The following GPR55 variants were observed in gnomAD, a reference collection of about 807,000 sequenced individuals.
The protein encoded by GPR55 is G protein-coupled receptor 55.
Under a neutral mutation model 7.9 loss-of-function variants are expected in GPR55, and 6 were observed. The ratio of observed to expected loss-of-function variants is 0.76; its 90% confidence interval spans 0.41 to 1.49. GPR55 has a LOEUF of 1.49. GPR55 is among the 40% of genes most tolerant of loss of function. The pLI is 0.01. For missense variants in GPR55, 376 were observed against 406.0 expected (o/e 0.93, Z 0.63); for synonymous variants, 183 against 166.8 (o/e 1.10, Z -0.75).
chr2:230,951,919 C>T (rs575485409), intron 1 of GPR55, among the ~76,000 whole-genome samples: 251 of 134,340 alleles, frequency 1.9e-3, no homozygotes, highest in African/African-American at 5.5e-3. Flanking sequence ...CCACCAGGCC[C>T]GGCTAATTTT....
At chr2:230,959,319 A>C (rs1422609802) in intron 1 of GPR55, among the ~76,000 whole-genome samples, 3 of 152,062 alleles carry the variant, frequency 2.0e-5, no homozygotes, top group East Asian at 1.9e-4. Flanking sequence ...GTAGTGGTGC[A>C]TGCCTATAGT....
Position 230,910,197 on chromosome 2 carries a change from A to T in GPR55, c.766T>A (p.Phe256Ile). Residue 256 changes from phenylalanine (F) to isoleucine (I), a missense_variant, in exon 2 of 2, where the codon TTT becomes ATT. Transcript: ENST00000650999. The surrounding 1 kb of genome is among the most constrained non-coding windows in gnomAD (Gnocchi z 5.4). ...TGCTTGGCTCTGCACTCTACGATAA[A>T]GCTGTTTCTCACCAGGAACTGCAGG... Reference protein sequence around the residue: ...FFLQFLVRNSFIVECRAKQSI... With the variant: ...FFLQFLVRNSIIVECRAKQSI... 5 of 1,614,110 alleles carry T rather than the reference A, an allele frequency of 3.1e-6. No individual in the cohort carries two copies. Among genetic ancestry groups the T allele is most frequent in the Non-Finnish European group, 4.2e-6 (5 of 1,179,952 alleles).
chr2:230,910,216 C>A lies in GPR55; in HGVS notation c.747G>T (p.Gln249His). 6.2e-7 allele frequency: 1 copy of A among 1,614,160 alleles called. No homozygotes were observed. Among genetic ancestry groups the A allele is most frequent in the Non-Finnish European group, 8.5e-7 (1 of 1,179,976 alleles). The change falls in exon 2 of 2, where the codon CAG becomes CAT. Residue 249 changes from glutamine (Q) to histidine (H), a missense_variant. Gln to His is a conservative substitution (Grantham distance 24). Coordinates refer to ENST00000650999, the MANE Select transcript of GPR55 (RefSeq NM_005683.4). The surrounding 1 kb of genome is among the most constrained non-coding windows in gnomAD (Gnocchi z 5.4). ...FLPVHLGFFLQFLVRNSFIVE... is the reference protein window; with the variant it reads ...FLPVHLGFFLHFLVRNSFIVE... ...CGATAAAGCTGTTTCTCACCAGGAACTGCAGGAAGAACCCCAGGTGGACTG... is the reference window on the plus strand; with the variant it reads ...CGATAAAGCTGTTTCTCACCAGGAAATGCAGGAAGAACCCCAGGTGGACTG...
intron 1 of GPR55, among the ~76,000 whole-genome samples, chr2:230,935,886 G>A (rs918799634): frequency 2.6e-5 from 4 of 152,320 alleles, no homozygotes; most frequent in African/African-American, 7.2e-5. Flanking sequence ...GTGCATGTTG[G>A]CGCACAAAAA....
chr2:230,939,740 C>T (rs550257128), intron 1 of GPR55, among the ~76,000 whole-genome samples: 7 of 152,212 alleles, frequency 4.6e-5, no homozygotes, highest in South Asian at 2.1e-4. Context: ...ACAAGGAGCC[C>T]GGGTAGAACC....
At chr2:230,917,002 G>A (rs1228052455) in intron 1 of GPR55, among the ~76,000 whole-genome samples, 2 of 152,156 alleles carry the variant, frequency 1.3e-5, no homozygotes, top group East Asian at 3.8e-4. Flanking sequence ...AAAGTTCTGT[G>A]GCGATAGAAC....
rs1421011696 is a variant in GPR55, at chr2:230,944,001, GGTCT to G, written c.-135+16770_-135+16773del. ...GCAACATAAGAATGGCCTAACACAG[GGTCT>G]GTCTTAGGAAGGGGCCCTCGGGCTG... On this transcript the variant is annotated intron_variant, in intron 1 of 1. Transcript: ENST00000392039. This position sits in a 1 kb window ranked among gnomAD's most constrained non-coding sequence, Gnocchi z 4.2. Among the ~76,000 whole-genome samples the G allele has an allele frequency of 6.6e-6, 1 of 152,174 alleles. No individual in the cohort carries two copies. The highest frequency in any genetic ancestry group is 1.5e-5 in the Non-Finnish European group (1 of 68,030).
chr2:230,936,306 G>A (rs1038599366), intron 1 of GPR55, among the ~76,000 whole-genome samples: 3 of 152,166 alleles, frequency 2.0e-5, no homozygotes, highest in African/African-American at 4.8e-5. Context: ...CTCACATGTC[G>A]TAGGATCGTA....
intron 1 of GPR55, among the ~76,000 whole-genome samples, chr2:230,955,215 A>G (rs968118461): frequency 6.6e-6 from 1 of 152,268 alleles, no homozygotes; most frequent in African/African-American, 2.4e-5. Flanking sequence ...ATTTTGTCAG[A>G]TAATACAAAC....
chr2:230,929,687 A>G (rs1691001128), upstream of GPR55: 1 of 152,252 alleles, frequency 6.6e-6, no homozygotes, highest in South Asian at 2.1e-4. Context: ...GAAGTTGGAC[A>G]AAGGTGGTCT....
chr2:230,949,161 G>A (rs1021541715), intron 1 of GPR55, among the ~76,000 whole-genome samples: 8 of 151,704 alleles, frequency 5.3e-5, no homozygotes, highest in African/African-American at 1.9e-4. Flanking sequence ...TTTTTTGTTT[G>A]TTTGTTTGTT....
chr2:230,949,256 C>T (rs752326910), intron 1 of GPR55, among the ~76,000 whole-genome samples: 6 of 152,036 alleles, frequency 3.9e-5, no homozygotes, highest in South Asian at 2.1e-4. Context: ...GTCTGTCTCC[C>T]GGGTTAAAGC....
At chr2:230,957,527 C>CT (rs1691510112) in intron 1 of GPR55, 2 of 365,448 alleles carry the variant, frequency 5.5e-6, no homozygotes, top group South Asian at 2.2e-5. Flanking sequence ...AGGGGCGCGG[C>CT]TGGCCGGTCT....
intron 1 of GPR55, among the ~76,000 whole-genome samples, chr2:230,921,999 G>A (rs77678943): frequency 0.064 from 9,686 of 152,198 alleles, 750 homozygotes; most frequent in African/African-American, 0.19. Flanking sequence ...CGCAGCCAGA[G>A]TGTCTGAGAG....
At chr2:230,931,484 C>T (rs1198551765) in intron 1 of GPR55, among the ~76,000 whole-genome samples, 1 of 152,168 alleles carries the variant, frequency 6.6e-6, no homozygotes, top group Non-Finnish European at 1.5e-5. Context: ...CCGATTTCTA[C>T]CTGTCCCACC....
chr2:230,950,053 C>T (rs1161802243), intron 1 of GPR55, among the ~76,000 whole-genome samples: 1 of 152,194 alleles, frequency 6.6e-6, no homozygotes, highest in African/African-American at 2.4e-5. Context: ...CCAGGCTGAA[C>T]GCCTGACATC....
Position 230,910,831 on chromosome 2 carries a change from G to A in GPR55, c.132C>T (p.Gly44=). ...ACCTGTTCTTAAGGAAGGTGCTGAA[G>A]CCATGGATGGCCAGCAGGTTGAGGA... ...GLLLNLLAIH[G]FSTFLKNRWP... The change falls in exon 2 of 2, where the codon GGC becomes GGT. Residue 44 remains glycine (G), a synonymous_variant. Transcript: ENST00000650999. The surrounding 1 kb of genome is among the most constrained non-coding windows in gnomAD (Gnocchi z 5.4). 1 of 1,614,188 alleles carries A rather than the reference G, an allele frequency of 6.2e-7. No homozygotes were observed.
chr2:230,934,663 C>T (rs952592755), intron 1 of GPR55, among the ~76,000 whole-genome samples: 5 of 152,188 alleles, frequency 3.3e-5, no homozygotes, highest in African/African-American at 7.2e-5. Context: ...AGCATCCGGA[C>T]GCCTCGGGGT....
chr2:230,952,449 G>A (rs937619251), intron 1 of GPR55, among the ~76,000 whole-genome samples: 13 of 152,242 alleles, frequency 8.5e-5, no homozygotes, highest in African/African-American at 2.2e-4. Context: ...ACAGCCCTCC[G>A]TGGGATGTCC....
Sources: allele counts gnomAD v4.1 joint callset (sites outside exome capture counted in the v4.1 genomes callset), GRCh38; gene constraint gnomAD v4.1.1; non-coding constraint Gnocchi (gnomAD v3.1); transcripts MANE v1.5; gene names NCBI Gene and HGNC (gene_info 2026-07-23, HGNC 2026-07-21).